SRGAP1: variants seen among roughly 807,000 people sequenced by gnomAD.
SRGAP1 encodes the protein SLIT-ROBO Rho GTPase-activating protein 1.
In SRGAP1, 43 loss-of-function variants were observed where a neutral mutation model predicts 121.9. The ratio of observed to expected loss-of-function variants is 0.35; its 90% confidence interval spans 0.28 to 0.46. The LOEUF (loss-of-function observed/expected upper bound fraction) is 0.46, where lower values mean the gene tolerates loss of function less well. Among genes scored for constraint, SRGAP1 ranks in the 20% least tolerant of loss-of-function variants. The probability of loss-of-function intolerance (pLI) is 1.00; values close to 1 mark genes in which losing one functional copy is unlikely to be tolerated. For missense variants in SRGAP1, 1,102 were observed against 1,350.9 expected, an observed-to-expected ratio of 0.82 and a Z score of 2.89; for synonymous variants, 447 against 485.4, an observed-to-expected ratio of 0.92 and a Z score of 1.04.
intron 1 of SRGAP1, among the ~76,000 whole-genome samples, chr12:63,954,603 G>A (rs1389444188): frequency 2.0e-5 from 3 of 148,546 alleles, no homozygotes; most frequent in Non-Finnish European, 4.4e-5. Flanking sequence ...GCGTGAACCC[G>A]GGAGGCGGAG....
chr12:63,885,010 G>A (rs970461303), intron 1 of SRGAP1, among the ~76,000 whole-genome samples: 6 of 151,894 alleles, frequency 4.0e-5, no homozygotes, highest in African/African-American at 9.7e-5. Flanking sequence ...GTGAGCCACC[G>A]CACCCACCAT....
intron 1 of SRGAP1, among the ~76,000 whole-genome samples, chr12:63,897,012 G>A (rs1039432083): frequency 3.4e-4 from 52 of 152,282 alleles, no homozygotes; most frequent in African/African-American, 1.1e-3. Flanking sequence ...GGGGCTACAC[G>A]AGGGAGATGA....
chr12:64,040,621 G>C (rs2034996751), intron 4 of SRGAP1, among the ~76,000 whole-genome samples: 1 of 152,036 alleles, frequency 6.6e-6, no homozygotes, highest in African/African-American at 2.4e-5. Flanking sequence ...AAATTATATT[G>C]GAAAAATTAT....
intron 8 of SRGAP1, among the ~76,000 whole-genome samples, chr12:64,071,898 G>T (rs2035644015): frequency 6.6e-6 from 1 of 151,922 alleles, no homozygotes; most frequent in African/African-American, 2.4e-5. Flanking sequence ...AAGTCGTGGG[G>T]CAGCAAACAT....
chr12:64,115,747 C>A, intron 17 of SRGAP1, 67 bp from the exon 18 acceptor site: 1 of 1,301,464 alleles, frequency 7.7e-7, no homozygotes, highest in Non-Finnish European at 1.1e-6. Context: ...GGCAGCAGTG[C>A]AAGAACCTGT....
rs1565964146 is a variant in SRGAP1 at position 63,948,963 on chromosome 12, A to ATATTTTCCATATATATATTCCATATATG, written c.68-34966_68-34965insTCCATATATGTATTTTCCATATATATAT. Among the ~76,000 whole-genome samples, 62 of 84,596 alleles carry ATATTTTCCATATATATATTCCATATATG rather than the reference A, an allele frequency of 7.3e-4. No homozygotes were observed. In the East Asian group the frequency reaches 9.2e-3, roughly 12 times the overall value. The allele number at this position is 84,596 out of a possible 152,430, so 55.5% of individuals were successfully genotyped here. A position where few individuals can be genotyped will look rare whatever the true frequency, so the allele number is the denominator to read the frequency against. ...TTTTCCATATATATATTCCATATAT[A>ATATTTTCCATATATATATTCCATATATG]TATTTTCCATATATATATATTCCAT... On this transcript the variant is annotated intron_variant, in intron 1 of 21. Coordinates refer to ENST00000355086, the MANE Select transcript of SRGAP1 (RefSeq NM_020762.4).
intron 1 of SRGAP1, among the ~76,000 whole-genome samples, chr12:63,902,134 G>C (rs76589239): frequency 0.058 from 8,870 of 152,216 alleles, 314 homozygotes; most frequent in East Asian, 0.14. Context: ...GGGCAACATG[G>C]TGAAACCCCA....
At chr12:63,947,008 T>C (rs1442715451) in intron 1 of SRGAP1, among the ~76,000 whole-genome samples, 2 of 152,330 alleles carry the variant, frequency 1.3e-5, no homozygotes, top group African/African-American at 4.8e-5. Flanking sequence ...TCCATTGTGA[T>C]TGATAATCAC....
At chr12:64,039,943 A>G (rs1277592521) in intron 4 of SRGAP1, among the ~76,000 whole-genome samples, 3 of 142,034 alleles carry the variant, frequency 2.1e-5, no homozygotes, top group African/African-American at 5.0e-5. Context: ...ACAACTTTCC[A>G]ATTACACACG....
intron 6 of SRGAP1, among the ~76,000 whole-genome samples, chr12:64,058,915 A>G (rs2035395918): frequency 1.3e-5 from 2 of 152,326 alleles, no homozygotes; most frequent in East Asian, 1.9e-4. Flanking sequence ...AGATGCCTGA[A>G]AAACCTAGAG....
At chr12:64,024,941 C>T (rs1236472326) in intron 4 of SRGAP1, among the ~76,000 whole-genome samples, 1 of 152,110 alleles carries the variant, frequency 6.6e-6, no homozygotes, top group East Asian at 1.9e-4. Context: ...GGGATTACTA[C>T]AATTCAAGGT....
At chr12:64,025,765 T>C (rs1478019317) in intron 4 of SRGAP1, among the ~76,000 whole-genome samples, 1 of 152,190 alleles carries the variant, frequency 6.6e-6, no homozygotes. Flanking sequence ...AAAGAGGGAC[T>C]GGGGTCATGT....
At chr12:63,919,051 GT>G (rs2030921029) in intron 1 of SRGAP1, among the ~76,000 whole-genome samples, 1 of 151,988 alleles carries the variant, frequency 6.6e-6, no homozygotes, top group African/African-American at 2.4e-5. Flanking sequence ...TTGTGTTTTT[GT>G]TTGTTTAGTT....
At chr12:64,028,972 A>G (rs559278072) in intron 4 of SRGAP1, among the ~76,000 whole-genome samples, 1 of 152,298 alleles carries the variant, frequency 6.6e-6, no homozygotes, top group South Asian at 2.1e-4. Flanking sequence ...CATTTTTTAT[A>G]TTCATTTTTC....
chr12:64,138,119 A>G (rs891668302), intron 21 of SRGAP1, among the ~76,000 whole-genome samples: 1 of 151,740 alleles, frequency 6.6e-6, no homozygotes, highest in Non-Finnish European at 1.5e-5. Flanking sequence ...AACAGCTCCC[A>G]TTTCACCCTC....
In SRGAP1 at chr12:64,161,439, C is replaced by T. The variant is rs1163210636; in HGVS notation, c.*18767C>T. On this transcript the variant is annotated 3_prime_UTR_variant, in exon 22 of 22. Transcript: ENST00000355086. Reference sequence around the variant, plus strand: ...AAATATCCTCAACTTTATCTGCTAACTCTTCTGTTAAGTACTTTATTTCTG... The same window carrying T: ...AAATATCCTCAACTTTATCTGCTAATTCTTCTGTTAAGTACTTTATTTCTG... The T allele has an allele frequency of 6.6e-6, 1 of 152,120 alleles. No individual in the cohort carries two copies. The allele number at this position is 152,120 out of a possible 1,614,324, so 9.4% of individuals were successfully genotyped here.
rs1014032381 is a variant in SRGAP1, at chr12:64,147,309, T to C, written c.*4637T>C. Reference sequence around the variant, plus strand: ...TACATGTGAAAGTGCCTTTCTATTTTAGAGGAGTTTTAGCCTTGCTCTTGT... The same window carrying C: ...TACATGTGAAAGTGCCTTTCTATTTCAGAGGAGTTTTAGCCTTGCTCTTGT... On this transcript the variant is annotated 3_prime_UTR_variant, in exon 22 of 22. Transcript: ENST00000355086. 1 of 396,346 alleles carries C rather than the reference T, an allele frequency of 2.5e-6. No homozygotes were observed. The highest frequency in any genetic ancestry group is 2.1e-5 in the African/African-American group (1 of 48,560). The allele number at this position is 396,346 out of a possible 1,614,324, so 24.6% of individuals were successfully genotyped here. A position where few individuals can be genotyped will look rare whatever the true frequency, so the allele number is the denominator to read the frequency against.
intron 1 of SRGAP1, among the ~76,000 whole-genome samples, chr12:63,913,549 C>T (rs1261983159): frequency 6.8e-6 from 1 of 147,976 alleles, no homozygotes; most frequent in East Asian, 2.0e-4. Flanking sequence ...TATATACACA[C>T]ATATGTATAT....
intron 6 of SRGAP1, among the ~76,000 whole-genome samples, chr12:64,045,901 A>G (rs1010664801): frequency 2.0e-5 from 3 of 152,236 alleles, no homozygotes; most frequent in African/African-American, 7.2e-5. Flanking sequence ...GAGACAAACT[A>G]TAAATGAATT....
Sources: allele counts gnomAD v4.1 joint callset (sites outside exome capture counted in the v4.1 genomes callset), GRCh38; gene constraint gnomAD v4.1.1; transcripts MANE v1.5; gene names NCBI Gene and HGNC (gene_info 2026-07-23, HGNC 2026-07-21).